Variants in ADGRB3 observed in about 807,000 individuals in gnomAD.
The protein encoded by ADGRB3 is adhesion G protein-coupled receptor B3, also known as brain-specific angiogenesis inhibitor 3.
Under a neutral mutation model 193.4 loss-of-function variants are expected in ADGRB3, and 37 were observed. That is an observed-to-expected ratio of 0.19 (90% CI 0.15 to 0.25). The LOEUF is 0.25. ADGRB3 is among the 10% of genes least tolerant of loss of function. The probability of loss-of-function intolerance (pLI) is 1.00; values close to 1 mark genes in which losing one functional copy is unlikely to be tolerated. For synonymous variants in ADGRB3, 690 were observed against 644.2 expected (o/e 1.07, Z -1.08); for missense variants, 1,637 against 1,852.9 (o/e 0.88, Z 2.14).
At chr6:68,775,006 G>T (rs563185853) in intron 3 of ADGRB3, among the ~76,000 whole-genome samples, 24 of 152,010 alleles carry the variant, frequency 1.6e-4, no homozygotes, top group Non-Finnish European at 3.1e-4. Flanking sequence ...TTGTTTAAAA[G>T]ACTAACCTAG....
At chr6:69,063,676 C>T (rs756251360) in intron 16 of ADGRB3, among the ~76,000 whole-genome samples, 1 of 151,928 alleles carries the variant, frequency 6.6e-6, no homozygotes, top group Non-Finnish European at 1.5e-5. Context: ...TAGGTGATCG[C>T]ATTGTCTAAA....
At chr6:68,761,071 C>T (rs1266026198) in intron 3 of ADGRB3, among the ~76,000 whole-genome samples, 2 of 152,154 alleles carry the variant, frequency 1.3e-5, no homozygotes, top group East Asian at 3.9e-4. Context: ...CTGCTGCCTC[C>T]TCCAGCGGAT....
chr6:68,766,111 A>G (rs1454069799), intron 3 of ADGRB3, among the ~76,000 whole-genome samples: 1 of 151,966 alleles, frequency 6.6e-6, no homozygotes, highest in Non-Finnish European at 1.5e-5. Flanking sequence ...AAAAAGCAGT[A>G]AATTATTTTG....
At position 68,683,982 on chromosome 6, in the gene ADGRB3, A is replaced by T. The variant is rs531607400; in HGVS notation, c.757+44550A>T. 3.3e-5 allele frequency among the ~76,000 whole-genome samples: 5 copies of T among 152,138 alleles called. No individual in the cohort carries two copies. In the East Asian group the frequency reaches 9.6e-4, roughly 29 times the overall value. On this transcript the variant is annotated intron_variant, in intron 3 of 31. Coordinates refer to ENST00000370598, the MANE Select transcript of ADGRB3 (RefSeq NM_001704.3). ...GAGGACATCTGCTTCTCAGCTCCTCATGACTTCTGTCATTTAGAAATGTGG... is the reference window on the plus strand; with the variant it reads ...GAGGACATCTGCTTCTCAGCTCCTCTTGACTTCTGTCATTTAGAAATGTGG...
At chr6:69,038,914 G>T (rs1465425061) in intron 13 of ADGRB3, among the ~76,000 whole-genome samples, 1 of 152,092 alleles carries the variant, frequency 6.6e-6, no homozygotes, top group Admixed American at 6.6e-5. Context: ...AATATTAAAT[G>T]AAAATATTCC....
At position 69,137,734 on chromosome 6, in the gene ADGRB3, A is replaced by G. The variant is rs114790116; in HGVS notation, c.2480+61696A>G. ...ATCACTTGAACCCGGGAAGCTGAGGATGCAGTGGGCCAAGATCACACCACT... is the reference window on the plus strand; with the variant it reads ...ATCACTTGAACCCGGGAAGCTGAGGGTGCAGTGGGCCAAGATCACACCACT... On this transcript the variant is annotated intron_variant, in intron 17 of 31. Coordinates refer to ENST00000370598, the MANE Select transcript of ADGRB3 (RefSeq NM_001704.3). 1.8e-3 allele frequency among the ~76,000 whole-genome samples: 270 copies of G among 152,182 alleles called. 2 individuals carry two copies. The highest frequency in any genetic ancestry group is 6.2e-3 in the African/African-American group (257 of 41,518).
At chr6:68,846,254 G>A (rs1035404141) in intron 3 of ADGRB3, among the ~76,000 whole-genome samples, 6 of 152,130 alleles carry the variant, frequency 3.9e-5, no homozygotes, top group African/African-American at 1.4e-4. Flanking sequence ...AGTTTTATAA[G>A]GGAAGTAGAG....
chr6:68,984,643 T>C (rs1769018752), intron 10 of ADGRB3, among the ~76,000 whole-genome samples: 1 of 152,014 alleles, frequency 6.6e-6, no homozygotes, highest in Non-Finnish European at 1.5e-5. Context: ...TTGTTTTAAA[T>C]GAGAAATATT....
chr6:68,821,695 G>T (rs1004008472), intron 3 of ADGRB3, among the ~76,000 whole-genome samples: 2 of 151,570 alleles, frequency 1.3e-5, no homozygotes, highest in South Asian at 2.1e-4. Flanking sequence ...GCTTGGAAAA[G>T]AATTTTTAAT....
intron 10 of ADGRB3, among the ~76,000 whole-genome samples, chr6:68,975,702 A>G (rs1363530612): frequency 2.0e-5 from 3 of 152,208 alleles, no homozygotes; most frequent in African/African-American, 4.8e-5. Flanking sequence ...TTAAAATTAA[A>G]TTATTTAAAT....
intron 3 of ADGRB3, among the ~76,000 whole-genome samples, chr6:68,898,013 TATAG>T (rs886824784): frequency 2.0e-5 from 3 of 147,128 alleles, no homozygotes; most frequent in Non-Finnish European, 1.5e-5. Context: ...AATGTATATA[TATAG>T]AGAGAGAGGG....
chr6:69,135,288 C>CTT (rs34164707), intron 17 of ADGRB3, among the ~76,000 whole-genome samples: 1 of 148,138 alleles, frequency 6.8e-6, no homozygotes, highest in Non-Finnish European at 1.5e-5. Flanking sequence ...ATCACAACTA[C>CTT]TTTTTTTTTT....
In ADGRB3 at chr6:68,852,491, A is replaced by G. The variant is rs28479811; in HGVS notation, c.758-78068A>G. On this transcript the variant is annotated intron_variant, in intron 3 of 31. Coordinates refer to ENST00000370598, the MANE Select transcript of ADGRB3 (RefSeq NM_001704.3). ...ACACACAATAACTTGTATATCGTTAAAGAGTATAGACAAACACTTTAGCTA... is the reference window on the plus strand; with the variant it reads ...ACACACAATAACTTGTATATCGTTAGAGAGTATAGACAAACACTTTAGCTA... Among the ~76,000 whole-genome samples, 1,348 of 152,132 alleles carry G rather than the reference A, an allele frequency of 8.9e-3. 34 individuals carry two copies. Among genetic ancestry groups the G allele is most frequent in the African/African-American group, 0.031 (1,287 of 41,550 alleles).
intron 17 of ADGRB3, among the ~76,000 whole-genome samples, chr6:69,113,912 C>T (rs1773447229): frequency 6.6e-6 from 1 of 152,134 alleles, no homozygotes; most frequent in African/African-American, 2.4e-5. Context: ...AGCATGGGGG[C>T]TCTCTTTCAA....
intron 17 of ADGRB3, among the ~76,000 whole-genome samples, chr6:69,129,513 G>A (rs181816521): frequency 2.2e-3 from 337 of 152,066 alleles, no homozygotes; most frequent in Middle Eastern, 6.8e-3. Context: ...GAAGAAGAGG[G>A]TGTTACATAG....
At position 68,926,637 on chromosome 6, in the gene ADGRB3, G is replaced by T. The variant is rs532653516; in HGVS notation, c.758-3922G>T. On this transcript the variant is annotated intron_variant, in intron 3 of 31. Coordinates refer to ENST00000370598, the MANE Select transcript of ADGRB3 (RefSeq NM_001704.3). ...AAAAGATAACTAACAATGTGAAGTA[G>T]TATTTCCATTGCTAGATAGATTACA... 2.2e-4 allele frequency among the ~76,000 whole-genome samples: 33 copies of T among 152,180 alleles called. 1 individual carries two copies. In the South Asian group the frequency reaches 6.2e-3, roughly 29 times the overall value.
At chr6:69,113,555 A>G (rs1470014831) in intron 17 of ADGRB3, among the ~76,000 whole-genome samples, 1 of 152,146 alleles carries the variant, frequency 6.6e-6, no homozygotes, top group East Asian at 1.9e-4. Context: ...TAAGTGGGAA[A>G]AAGAAAATTT....
chr6:69,294,687 G>A (rs1224345000), intron 20 of ADGRB3, among the ~76,000 whole-genome samples: 1 of 152,132 alleles, frequency 6.6e-6, no homozygotes, highest in Admixed American at 6.6e-5. Context: ...GGCTGGAAAT[G>A]TTCACATTTG....
At chr6:69,100,655 T>G (rs1773004951) in intron 17 of ADGRB3, among the ~76,000 whole-genome samples, 1 of 152,068 alleles carries the variant, frequency 6.6e-6, no homozygotes, top group Non-Finnish European at 1.5e-5. Flanking sequence ...CTGATACTAT[T>G]CCAATTGCTA....
Sources: allele counts gnomAD v4.1 joint callset (sites outside exome capture counted in the v4.1 genomes callset), GRCh38; gene constraint gnomAD v4.1.1; transcripts MANE v1.5; gene names NCBI Gene and HGNC (gene_info 2026-07-23, HGNC 2026-07-21).